The following KNL1 variants were observed in gnomAD, a reference collection of about 807,000 sequenced individuals.
The protein encoded by KNL1 is outer kinetochore KNL1 complex subunit KNL1.
A neutral mutation model predicts 201.3 loss-of-function variants in KNL1; 66 were observed. The ratio of observed to expected loss-of-function variants is 0.33; its 90% CI spans 0.27 to 0.40. KNL1 has a LOEUF of 0.40. Ranked by LOEUF, KNL1 falls within the 10% of genes least tolerant of loss-of-function variation. The probability of loss-of-function intolerance (pLI) is 1.00; values close to 1 mark genes in which losing one functional copy is unlikely to be tolerated. For missense variants in KNL1, 2,815 were observed against 2,690.5 expected (o/e 1.05, Z -1.02); for synonymous variants, 895 against 899.2 (o/e 1.00, Z 0.08).
chr15:40,645,474 G>A (rs1893357524), intron 15 of KNL1, among the ~76,000 whole-genome samples, 182 bp from the exon 16 acceptor site: 1 of 152,180 alleles, frequency 6.6e-6, no homozygotes, highest in East Asian at 1.9e-4. Flanking sequence ...ATATGAATAA[G>A]TGAATTAAAG....
chr15:40,613,081 G>T (rs752932243), intron 7 of KNL1, among the ~76,000 whole-genome samples: 2 of 152,160 alleles, frequency 1.3e-5, no homozygotes, highest in Non-Finnish European at 2.9e-5. Flanking sequence ...CCATCAGTAA[G>T]GGCCTGGTTA....
intron 6 of KNL1, chr15:40,610,674 A>T: frequency 2.2e-6 from 1 of 447,594 alleles, no homozygotes; most frequent in Non-Finnish European, 4.4e-6. Context: ...TGGGCAACAG[A>T]GCAAGACTCT....
At position 40,621,460 on chromosome 15, in the gene KNL1, C is replaced by T. The variant is rs773189672; in HGVS notation, c.1196C>T (p.Ser399Leu). The T allele has an allele frequency of 3.7e-6, 6 of 1,613,854 alleles. No homozygotes were observed. Among genetic ancestry groups the T allele is most frequent in the South Asian group, 3.3e-5 (3 of 91,068 alleles). The change falls in exon 10 of 26, where the codon TCA becomes TTA. Residue 399 changes from serine (S) to leucine (L), a missense_variant. By Grantham distance (145) the Ser-to-Leu change is moderately radical. Coordinates refer to ENST00000399668, the MANE Select transcript of KNL1 (RefSeq NM_144508.5). ...HIMGAETHIVSQTCNQDARIL... is the reference protein window; with the variant it reads ...HIMGAETHIVLQTCNQDARIL... ...ATGGGGGCAGAAACTCACATAGTCT[C>T]ACAGACTTGTAATCAGGATGCCAGA...
intron 13 of KNL1, among the ~76,000 whole-genome samples, chr15:40,640,651 G>A (rs1038523280): frequency 6.6e-6 from 1 of 152,014 alleles, no homozygotes; most frequent in Non-Finnish European, 1.5e-5. Context: ...TTTTCTTAAC[G>A]CATAGCCATT....
At chr15:40,638,400 G>A (rs1485473952) in intron 13 of KNL1, among the ~76,000 whole-genome samples, 1 of 152,112 alleles carries the variant, frequency 6.6e-6, no homozygotes, top group Non-Finnish European at 1.5e-5. Flanking sequence ...CTCTTGCTTT[G>A]TTTCTCAGGC....
chr15:40,624,164 T>A lies in KNL1; in HGVS notation c.3900T>A (p.Asp1300Glu), dbSNP rs1351622030. 16 of 1,613,880 alleles carry A rather than the reference T, an allele frequency of 9.9e-6. No homozygotes were observed. ...CAACTGCTGTTTGTGGATCCAGTGA[T>A]AATTATTCCTGTTTACCAAATGTTA... ...SHATAVCGSS[D>E]NYSCLPNVIS... The change falls in exon 10 of 26, where the codon GAT becomes GAA. Residue 1300 changes from aspartate (D) to glutamate (E), a missense_variant. Physicochemically the swap from Asp to Glu is conservative, Grantham distance 45. Around this residue, in one of 3 missense-constraint regions of KNL1, gnomAD observed 2,464 missense variants for 2,291.7 expected, o/e 1.08. Coordinates refer to ENST00000399668, the MANE Select transcript of KNL1 (RefSeq NM_144508.5).
In KNL1 at chr15:40,634,941, G is replaced by A. The variant is rs182737924; in HGVS notation, c.5682+5570G>A. Among the ~76,000 whole-genome samples, 46 of 152,248 alleles carry A rather than the reference G, an allele frequency of 3.0e-4. No individual in the cohort carries two copies. The East Asian group carries it at 8.3e-3, about 27-fold the overall frequency. On this transcript the variant is annotated intron_variant, in intron 13 of 25. Coordinates refer to ENST00000399668, the MANE Select transcript of KNL1 (RefSeq NM_144508.5). ...ACCTATCAAAATGGAAAGAGTTCAGGGTACTTCGGGAAAGAAGTTGAAAAT... is the reference window on the plus strand; with the variant it reads ...ACCTATCAAAATGGAAAGAGTTCAGAGTACTTCGGGAAAGAAGTTGAAAAT...
chr15:40,649,113 C>T (rs1004649710), intron 17 of KNL1, among the ~76,000 whole-genome samples: 1 of 150,610 alleles, frequency 6.6e-6, no homozygotes, highest in Non-Finnish European at 1.5e-5. Flanking sequence ...GCTGGGATTA[C>T]GGGTGTGAGC....
In KNL1 at chr15:40,637,436, G is replaced by A. The variant is rs906601791; in HGVS notation, c.5683-3476G>A. Among the ~76,000 whole-genome samples the A allele has an allele frequency of 4.0e-5, 6 of 150,686 alleles. No individual in the cohort carries two copies. The East Asian group carries it at 7.8e-4, about 19-fold the overall frequency. On this transcript the variant is annotated intron_variant, in intron 13 of 25. Coordinates refer to ENST00000399668, the MANE Select transcript of KNL1 (RefSeq NM_144508.5). ...GAAATAGATAATGTCTGGTGATGAC[G>A]TGTATGCAGCCATTAATTCATTAGA...
At chr15:40,627,252 T>C (rs999352201) in intron 10 of KNL1, among the ~76,000 whole-genome samples, 2 of 152,184 alleles carry the variant, frequency 1.3e-5, no homozygotes, top group East Asian at 1.9e-4. Flanking sequence ...CGGTAGCTCA[T>C]GCCTATAATC....
In KNL1 at chr15:40,601,052, C is replaced by T. The variant is rs545648252; in HGVS notation, c.-17-1863C>T. Among the ~76,000 whole-genome samples the T allele has an allele frequency of 2.0e-4, 31 of 152,308 alleles. 1 individual carries two copies. The highest frequency in any genetic ancestry group is 7.2e-4 in the African/African-American group (30 of 41,576). ...TTCAGGTGTCCCCAACCCCCTGGGC[C>T]GTGGAACGGTATAGGTCCACTGCCT... On this transcript the variant is annotated intron_variant, in intron 1 of 25. Coordinates refer to ENST00000399668, the MANE Select transcript of KNL1 (RefSeq NM_144508.5).
At position 40,659,442 on chromosome 15, in the gene KNL1, A is replaced by G. The variant is rs1405149014; in HGVS notation, c.6817A>G (p.Asn2273Asp). ...TGTACCATTACCTTCCACCATTCAG[A>G]ATCACGTTGGGAACACTAGGTGAGT... ...PSVPLPSTIQNHVGNTSQDDI... is the reference protein window; with the variant it reads ...PSVPLPSTIQDHVGNTSQDDI... The change falls in exon 25 of 26, where the codon AAT becomes GAT. Residue 2273 changes from asparagine to aspartate, a missense_variant. Coordinates refer to ENST00000399668, the MANE Select transcript of KNL1 (RefSeq NM_144508.5). The G allele has an allele frequency of 6.2e-7, 1 of 1,613,700 alleles. No homozygotes were observed. The highest frequency in any genetic ancestry group is 8.5e-7 in the Non-Finnish European group (1 of 1,179,820).
At chr15:40,608,590 A>G (rs1354690518) in intron 4 of KNL1, among the ~76,000 whole-genome samples, 1 of 151,988 alleles carries the variant, frequency 6.6e-6, no homozygotes, top group African/African-American at 2.4e-5. Flanking sequence ...TACTAAAAAT[A>G]CAGAATTAGT....
chr15:40,618,212 A>G (rs1462690316), intron 8 of KNL1, among the ~76,000 whole-genome samples: 1 of 151,562 alleles, frequency 6.6e-6, no homozygotes, highest in Non-Finnish European at 1.5e-5. Flanking sequence ...CTTTATTTCC[A>G]TTTTCATTGC....
chr15:40,657,165 G>T lies in KNL1; in HGVS notation c.6594+14G>T. On this transcript the variant is annotated intron_variant, in intron 23 of 25. Transcript: ENST00000399668. ...CAGTTACCCAAGGTAAAGCCCGATT[G>T]AAGTATTTAAAGGAAAATTTGTGAT... The T allele has an allele frequency of 3.3e-6, 5 of 1,506,680 alleles. No individual in the cohort carries two copies. The highest frequency in any genetic ancestry group is 4.5e-6 in the Non-Finnish European group (5 of 1,099,158). 93.3% of individuals were successfully genotyped at this position (1,506,680 alleles called of 1,614,324 possible).
In KNL1 at chr15:40,623,351, G is replaced by A; in HGVS notation, c.3087G>A (p.Glu1029=). 5.6e-6 allele frequency: 9 copies of A among 1,613,902 alleles called. No individual in the cohort carries two copies. Among genetic ancestry groups the A allele is most frequent in the Non-Finnish European group, 6.8e-6 (8 of 1,179,910 alleles). Residue 1029 remains glutamate (E), a synonymous_variant, in exon 10 of 26, where the codon GAG becomes GAA. Transcript: ENST00000399668. ...GGTCTAATAATAGGGGCCCTGTAGA[G>A]GTAGCTGATAACATGGAATTGTCTA... The part of the protein sequence containing the change: ...EEWSNNRGPV[E]VADNMELSKS...
At chr15:40,660,186 C>T (rs1236164161) in intron 25 of KNL1, among the ~76,000 whole-genome samples, 1 of 152,050 alleles carries the variant, frequency 6.6e-6, no homozygotes, top group African/African-American at 2.4e-5. Flanking sequence ...CTGGGGATTA[C>T]AGGCGAAGAA....
In KNL1 at chr15:40,662,370, G is replaced by A. The variant is rs998879300; in HGVS notation, c.*182G>A. On this transcript the variant is annotated 3_prime_UTR_variant, in exon 26 of 26. Coordinates refer to ENST00000399668, the MANE Select transcript of KNL1 (RefSeq NM_144508.5). ...GAATGATGGTGATGAAGTCTGGATG[G>A]TAGGCCTCATAGCCTACTATCAACT... 2 of 523,802 alleles carry A rather than the reference G, an allele frequency of 3.8e-6. No homozygotes were observed. The highest frequency in any genetic ancestry group is 6.8e-6 in the Non-Finnish European group (2 of 293,584). 32.4% of individuals were successfully genotyped at this position (523,802 alleles called of 1,614,324 possible).
chr15:40,650,447 C>G, intron 18 of KNL1, 69 bp downstream of exon 18: 1 of 1,562,750 alleles, frequency 6.4e-7, no homozygotes, highest in East Asian at 2.3e-5. Context: ...TGTTTATATA[C>G]TTTGGTGAGA....
Sources: allele counts gnomAD v4.1 joint callset (sites outside exome capture counted in the v4.1 genomes callset), GRCh38; gene constraint gnomAD v4.1.1; regional missense constraint gnomAD v4.1.1; transcripts MANE v1.5; gene names NCBI Gene and HGNC (gene_info 2026-07-23, HGNC 2026-07-21).